The following ADAMDEC1 variants were observed in gnomAD, a reference collection of about 807,000 sequenced individuals.
ADAMDEC1 encodes ADAM DEC1.
A neutral mutation model predicts 60.4 loss-of-function variants in ADAMDEC1; 62 were observed. The ratio of observed to expected loss-of-function variants is 1.03; its 90% CI spans 0.84 to 1.27. The LOEUF (loss-of-function observed/expected upper bound fraction) is 1.27, where lower values mean the gene tolerates loss of function less well. Among genes scored for constraint, ADAMDEC1 ranks in the 50% most tolerant of loss-of-function variants. ADAMDEC1 has a pLI of 0.00. For missense variants in ADAMDEC1, 595 were observed against 565.0 expected (o/e 1.05, Z -0.54); for synonymous variants, 210 against 195.1 (o/e 1.08, Z -0.64).
At chr8:24,397,565 A>G in intron 6 of ADAMDEC1, 109 bp downstream of exon 6, 1 of 1,469,586 alleles carries the variant, frequency 6.8e-7, no homozygotes, top group South Asian at 1.2e-5. Context: ...CAAGCCTATA[A>G]TTTATTTACT....
chr8:24,392,633 A>G (rs1350743638), intron 2 of ADAMDEC1, among the ~76,000 whole-genome samples: 1 of 152,172 alleles, frequency 6.6e-6, no homozygotes, highest in Non-Finnish European at 1.5e-5. Context: ...TAAGTTTGAG[A>G]GTGAGGAGAG....
Position 24,397,698 on chromosome 8 carries a change from C to G in ADAMDEC1, c.643C>G (p.Arg215Gly). Reference protein sequence around the residue: ...LKSPEKEDFLRAQKYIDLYLV... With the variant: ...LKSPEKEDFLGAQKYIDLYLV... Reference sequence around the variant, plus strand: ...CTTTGTAAAGAAAGAAGACTTTCTTCGGGCACAGAAATACATTGATCTCTA... The same window carrying G: ...CTTTGTAAAGAAAGAAGACTTTCTTGGGGCACAGAAATACATTGATCTCTA... The change falls in exon 7 of 14, where the codon CGG (arginine) becomes GGG (glycine). Residue 215 changes from arginine (R) to glycine (G), a missense_variant. Coordinates refer to ENST00000256412, the MANE Select transcript of ADAMDEC1 (RefSeq NM_014479.3). The G allele has an allele frequency of 6.2e-7, 1 of 1,612,992 alleles. No individual in the cohort carries two copies. Among genetic ancestry groups the G allele is most frequent in the Middle Eastern group, 1.7e-4 (1 of 6,056 alleles).
At chr8:24,403,403 T>C (rs906856563) in intron 12 of ADAMDEC1, among the ~76,000 whole-genome samples, 6 of 152,056 alleles carry the variant, frequency 3.9e-5, no homozygotes, top group African/African-American at 1.4e-4. Flanking sequence ...TGTCTAGATA[T>C]TTCTCCCAGG....
rs780407661 is a variant in ADAMDEC1, at chr8:24,397,669, T to C, written c.628-14T>C. ...AAGATAATGATTAACAATGTTCTTT[T>C]ATTCTTTGTAAAGAAAGAAGACTTT... On this transcript the variant is annotated splice_polypyrimidine_tract_variant and intron_variant, in intron 6 of 13. Coordinates refer to ENST00000256412, the MANE Select transcript of ADAMDEC1 (RefSeq NM_014479.3). The C allele has an allele frequency of 2.3e-5, 37 of 1,609,140 alleles. No homozygotes were observed. Among genetic ancestry groups the C allele is most frequent in the Non-Finnish European group, 2.6e-5 (31 of 1,176,280 alleles).
chr8:24,396,993 A>G (rs758258693), intron 5 of ADAMDEC1, among the ~76,000 whole-genome samples: 6 of 152,200 alleles, frequency 3.9e-5, no homozygotes, highest in Admixed American at 6.5e-5. Context: ...TCAATAAACT[A>G]TGGAAAAATA....
rs775057472 is a variant in ADAMDEC1 at position 24,395,819 on chromosome 8, C to T, written c.440+23C>T. 67 of 1,576,366 alleles carry T rather than the reference C, an allele frequency of 4.3e-5. No homozygotes were observed. In the Middle Eastern group the frequency reaches 5.1e-4, roughly 12 times the overall value. ...GAGGTAAGAACTACCATCAAAATTA[C>T]TCAAGATCAAGAAGCTTTTTGTTAC... is the stretch of plus-strand genomic sequence containing the variant. On this transcript the variant is annotated intron_variant, in intron 5 of 13. Coordinates refer to ENST00000256412, the MANE Select transcript of ADAMDEC1 (RefSeq NM_014479.3).
At position 24,402,083 on chromosome 8, in the gene ADAMDEC1, C is replaced by T. The variant is rs779921590; in HGVS notation, c.1311C>T (p.Gly437=). Residue 437 remains glycine (G), a synonymous_variant, in exon 12 of 14, where the codon GGC becomes GGT. Transcript: ENST00000256412. ...LLEVGEDCDC[G]SPKECTNLCC... The stretch of plus-strand genomic sequence containing the variant: ...AAGTGGGAGAAGACTGTGATTGTGG[C>T]TCTCCTAAGGTATTATTTATTAGAA... The T allele has an allele frequency of 2.5e-6, 4 of 1,608,878 alleles. No homozygotes were observed. Among genetic ancestry groups the T allele is most frequent in the South Asian group, 1.1e-5 (1 of 90,698 alleles).
At chr8:24,396,142 A>AT (rs1169044607) in intron 5 of ADAMDEC1, among the ~76,000 whole-genome samples, 1 of 152,194 alleles carries the variant, frequency 6.6e-6, no homozygotes, top group African/African-American at 2.4e-5. Context: ...TAATTTTAGA[A>AT]TTATATGTGT....
intron 9 of ADAMDEC1, among the ~76,000 whole-genome samples, 157 bp from the exon 10 acceptor site, chr8:24,399,236 A>G (rs1817697799): frequency 6.6e-6 from 1 of 152,204 alleles, no homozygotes; most frequent in Non-Finnish European, 1.5e-5. Flanking sequence ...TAAGATAACC[A>G]TCTGTGGTCA....
Position 24,392,367 on chromosome 8 carries a change from A to G in ADAMDEC1, c.194A>G (p.Lys65Arg), listed in dbSNP as rs970983756. 1.9e-6 allele frequency: 3 copies of G among 1,609,246 alleles called. No homozygotes were observed. Among genetic ancestry groups the G allele is most frequent in the East Asian group, 4.5e-5 (2 of 44,724 alleles). Residue 65 changes from lysine to arginine, a missense_variant, in exon 2 of 14, where the codon AAG becomes AGG. Lys to Arg is a conservative substitution (Grantham distance 26). Coordinates refer to ENST00000256412, the MANE Select transcript of ADAMDEC1 (RefSeq NM_014479.3). ...KREIKNNQTEKHGKEERYEPE... is the reference protein window; with the variant it reads ...KREIKNNQTERHGKEERYEPE... ...GAGATCAAGAACAACCAGACAGAAA[A>G]GCATGGCAAAGAGGTAAGCAAGGTG...
At chr8:24,403,642 A>G (rs1195910207) in intron 12 of ADAMDEC1, among the ~76,000 whole-genome samples, 1 of 152,158 alleles carries the variant, frequency 6.6e-6, no homozygotes, top group East Asian at 1.9e-4. Flanking sequence ...ATGTATATAT[A>G]AAGTTCTTCA....
At chr8:24,391,162 ATTTCC>A in intron 1 of ADAMDEC1, among the ~76,000 whole-genome samples, 1 of 152,166 alleles carries the variant, frequency 6.6e-6, no homozygotes, top group East Asian at 1.9e-4. Flanking sequence ...TTGCTTTGTA[ATTTCC>A]TTTCATTTTC....
intron 1 of ADAMDEC1, among the ~76,000 whole-genome samples, chr8:24,386,769 A>G (rs1249655314): frequency 2.0e-5 from 3 of 152,128 alleles, no homozygotes; most frequent in Non-Finnish European, 2.9e-5. Flanking sequence ...TCTTCTGCCA[A>G]TTAACATCCT....
chr8:24,400,115 A>C (rs530585014), intron 10 of ADAMDEC1, 55 bp from the exon 11 acceptor site: 48 of 1,398,806 alleles, frequency 3.4e-5, no homozygotes, highest in Non-Finnish European at 4.3e-5. Context: ...AAAGTACTGC[A>C]CATTGGCAAC....
chr8:24,401,318 A>G (rs919745612), intron 11 of ADAMDEC1, among the ~76,000 whole-genome samples: 3 of 152,190 alleles, frequency 2.0e-5, no homozygotes, highest in African/African-American at 7.2e-5. Flanking sequence ...CATAGTTTCT[A>G]AAAATATTAA....
In ADAMDEC1 at chr8:24,399,639, G is replaced by A. The variant is rs148876722; in HGVS notation, c.1011+165G>A. On this transcript the variant is annotated intron_variant, in intron 10 of 13. Transcript: ENST00000256412. ...GCACTGAAGATCCCTTGGGTTATGC[G>A]ACAGAACATTTCCTTACATCAGCCT... 8.5e-5 allele frequency among the ~76,000 whole-genome samples: 13 copies of A among 152,226 alleles called. No homozygotes were observed. The East Asian group carries it at 2.3e-3, about 27-fold the overall frequency.
intron 1 of ADAMDEC1, 106 bp downstream of exon 1, chr8:24,384,698 AT>A: frequency 9.8e-7 from 1 of 1,022,020 alleles, no homozygotes; most frequent in Non-Finnish European, 1.4e-6. Context: ...TCGAAAGACC[AT>A]TACCATTTGC....
At chr8:24,403,808 A>T (rs1449680801) in intron 12 of ADAMDEC1, among the ~76,000 whole-genome samples, 195 bp from the exon 13 acceptor site, 1 of 152,134 alleles carries the variant, frequency 6.6e-6, no homozygotes, top group Non-Finnish European at 1.5e-5. Flanking sequence ...TCACCTTTTG[A>T]GAAGTCTTCA....
chr8:24,405,461 A>G lies in ADAMDEC1; in HGVS notation c.*163A>G, dbSNP rs564024797. On this transcript the variant is annotated 3_prime_UTR_variant, in exon 14 of 14. Coordinates refer to ENST00000256412, the MANE Select transcript of ADAMDEC1 (RefSeq NM_014479.3). ...AGGAAACAGGTAAACAGATGTAATT[A>G]GAGACATTGGCTCTTTGTTTAGGCC... 36 of 664,506 alleles carry G rather than the reference A, an allele frequency of 5.4e-5. No individual in the cohort carries two copies. The African/African-American group carries it at 6.8e-4, about 13-fold the overall frequency. The allele number at this position is 664,506 out of a possible 1,614,324, so 41.2% of individuals were successfully genotyped here.
Sources: gnomAD v4.1 joint callset for allele counts (sites outside exome capture counted in the v4.1 genomes callset) on GRCh38, gnomAD v4.1.1 for gene constraint, MANE v1.5 for transcripts, NCBI Gene and HGNC (gene_info 2026-07-23, HGNC 2026-07-21) for gene names.